Variants in CMSS1 observed in about 807,000 individuals in gnomAD.
CMSS1 encodes the protein protein CMSS1.
Under a neutral mutation model 43.5 loss-of-function variants are expected in CMSS1, and 33 were observed. That is an observed-to-expected ratio of 0.76 (90% CI 0.57 to 1.01). CMSS1 has a LOEUF of 1.01. Among genes scored for constraint, CMSS1 ranks in the 50% least tolerant of loss-of-function variants. The pLI, the probability that CMSS1 is intolerant of heterozygous loss-of-function variation, is 0.00. For synonymous variants in CMSS1, 115 were observed against 117.2 expected, an observed-to-expected ratio of 0.98 and a Z score of 0.12; for missense variants, 313 against 326.4, an observed-to-expected ratio of 0.96 and a Z score of 0.32.
chr3:99,923,713 G>A (rs1020498182), intron 1 of CMSS1, among the ~76,000 whole-genome samples: 11 of 152,148 alleles, frequency 7.2e-5, no homozygotes, highest in Non-Finnish European at 8.8e-5. Flanking sequence ...CTTTAGGAAA[G>A]CATAACTGAT....
intron 2 of CMSS1, among the ~76,000 whole-genome samples, chr3:100,157,640 G>C (rs2066987150): frequency 6.6e-6 from 1 of 152,164 alleles, no homozygotes; most frequent in East Asian, 1.9e-4. Flanking sequence ...CAATATGTAA[G>C]CATGGAATAG....
chr3:100,172,764 T>C (rs2067121166), intron 8 of CMSS1, among the ~76,000 whole-genome samples: 1 of 152,248 alleles, frequency 6.6e-6, no homozygotes, highest in Admixed American at 6.5e-5. Context: ...AGGGCTGGTA[T>C]ATAAAACATA....
intron 1 of CMSS1, chr3:100,039,936 G>A (rs908568586): frequency 6.6e-6 from 1 of 152,130 alleles, no homozygotes; most frequent in African/African-American, 2.4e-5. Flanking sequence ...TGTATTTTTA[G>A]TAGAGATGGG....
chr3:99,819,306 A>T (rs756207807), intron 1 of CMSS1, among the ~76,000 whole-genome samples: 1 of 152,174 alleles, frequency 6.6e-6, no homozygotes, highest in Admixed American at 6.5e-5. Context: ...ATTTTATGAT[A>T]TGATTGAAGA....
At chr3:99,860,500 A>C (rs970241466) in intron 1 of CMSS1, among the ~76,000 whole-genome samples, 4 of 152,200 alleles carry the variant, frequency 2.6e-5, no homozygotes, top group African/African-American at 9.6e-5. Context: ...AAAGTAACTG[A>C]GAAAAAGGGT....
At chr3:99,903,988 A>C (rs763050683) in intron 1 of CMSS1, among the ~76,000 whole-genome samples, 7 of 152,228 alleles carry the variant, frequency 4.6e-5, no homozygotes, top group Non-Finnish European at 7.3e-5. Flanking sequence ...GTTAAGCAAG[A>C]TCTCTGGCCA....
intron 1 of CMSS1, among the ~76,000 whole-genome samples, chr3:100,020,909 A>T (rs2064803130): frequency 1.3e-5 from 2 of 152,064 alleles, no homozygotes; most frequent in Non-Finnish European, 2.9e-5. Flanking sequence ...CTGGGACTAC[A>T]GGCATGCGCC....
intron 1 of CMSS1, among the ~76,000 whole-genome samples, chr3:100,138,924 A>G (rs922712057): frequency 3.3e-5 from 5 of 152,224 alleles, no homozygotes; most frequent in Admixed American, 2.6e-4. Flanking sequence ...TTACAATAGC[A>G]AAGTCATGGA....
chr3:100,043,296 T>C (rs1331315279), intron 1 of CMSS1, among the ~76,000 whole-genome samples: 1 of 152,232 alleles, frequency 6.6e-6, no homozygotes, highest in East Asian at 1.9e-4. Flanking sequence ...GTAAGTTTTA[T>C]TCCCCTTTGA....
chr3:99,879,793 G>GA (rs1405772669), intron 1 of CMSS1, among the ~76,000 whole-genome samples: 2 of 152,160 alleles, frequency 1.3e-5, no homozygotes, highest in African/African-American at 4.8e-5. Flanking sequence ...CATGTACAAA[G>GA]AAAAACAGCA....
At chr3:100,022,643 G>A (rs1013387935) in intron 1 of CMSS1, among the ~76,000 whole-genome samples, 1 of 152,180 alleles carries the variant, frequency 6.6e-6, no homozygotes, top group African/African-American at 2.4e-5. Context: ...CAAGCACAGG[G>A]GAAAAGAAAG....
intron 1 of CMSS1, among the ~76,000 whole-genome samples, chr3:100,032,219 G>T (rs1236265673): frequency 2.6e-5 from 4 of 152,200 alleles, no homozygotes; most frequent in Non-Finnish European, 4.4e-5. Flanking sequence ...TTATTGATAT[G>T]TATGCCTCTT....
chr3:99,878,756 A>G (rs1376207696), intron 1 of CMSS1, among the ~76,000 whole-genome samples: 1 of 152,206 alleles, frequency 6.6e-6, no homozygotes. Context: ...GTTTTGAGGG[A>G]GCAGGACCTT....
chr3:99,995,274 G>A (rs1025080873), intron 1 of CMSS1, among the ~76,000 whole-genome samples: 2 of 152,162 alleles, frequency 1.3e-5, no homozygotes, highest in South Asian at 2.1e-4. Flanking sequence ...AAATTCAGTG[G>A]GGCAGTCAAA....
intron 1 of CMSS1, among the ~76,000 whole-genome samples, chr3:99,923,565 C>T (rs181688755): frequency 2.6e-4 from 39 of 152,278 alleles, no homozygotes; most frequent in South Asian, 2.1e-4. Context: ...GTAGTTCATG[C>T]GCACACCCCC....
chr3:99,852,004 CATA>C (rs757574553), intron 1 of CMSS1, among the ~76,000 whole-genome samples: 2 of 152,202 alleles, frequency 1.3e-5, no homozygotes, highest in Non-Finnish European at 2.9e-5. Flanking sequence ...TTATCAGGAA[CATA>C]ATAATTCCCT....
intron 1 of CMSS1, among the ~76,000 whole-genome samples, chr3:100,140,346 G>T (rs2066794731): frequency 1.3e-5 from 2 of 151,842 alleles, no homozygotes; most frequent in South Asian, 4.2e-4. Flanking sequence ...TCACCCCCCA[G>T]AAGTCCCCCA....
chr3:100,175,571 T>C (rs958945569), intron 8 of CMSS1, among the ~76,000 whole-genome samples: 1 of 152,050 alleles, frequency 6.6e-6, no homozygotes, highest in Admixed American at 6.6e-5. Flanking sequence ...CATGAACAAG[T>C]ATTAGGGGCA....
chr3:100,029,409 A>T (rs191426864), intron 1 of CMSS1, among the ~76,000 whole-genome samples: 255 of 147,304 alleles, frequency 1.7e-3, no homozygotes, highest in Middle Eastern at 3.4e-3. Context: ...CACTTTAGTT[A>T]CATAAATAAA....
Sources: gnomAD v4.1 joint callset for allele counts (sites outside exome capture counted in the v4.1 genomes callset) on GRCh38, gnomAD v4.1.1 for gene constraint, MANE v1.5 for transcripts, NCBI Gene and HGNC (gene_info 2026-07-23, HGNC 2026-07-21) for gene names.